The following L3MBTL4 variants were observed in gnomAD, a reference collection of about 807,000 sequenced individuals.
L3MBTL4 encodes L3MBTL histone methyl-lysine binding protein 4, also known as lethal(3)malignant brain tumor-like protein 4.
In L3MBTL4, 70 loss-of-function variants were observed where a neutral mutation model predicts 84.5. The observed-to-expected ratio is 0.83, with a 90% CI of 0.68 to 1.01. L3MBTL4 has a LOEUF of 1.01. Among genes scored for constraint, L3MBTL4 ranks in the 50% least tolerant of loss-of-function variants. L3MBTL4 has a pLI of 0.00. For missense variants in L3MBTL4, 715 were observed against 754.8 expected (o/e 0.95, Z 0.62); for synonymous variants, 274 against 259.8 (o/e 1.05, Z -0.52).
chr18:6,079,283 A>G (rs558132444), intron 16 of L3MBTL4, among the ~76,000 whole-genome samples: 38 of 150,980 alleles, frequency 2.5e-4, no homozygotes, highest in African/African-American at 8.9e-4. Flanking sequence ...CACTTCCCCA[A>G]CACACAGTGG....
Position 6,020,250 on chromosome 18 carries a change from G to T in L3MBTL4, c.1445-50688C>A, listed in dbSNP as rs570214929. ...GATTCAGACTAAAGAGGGAAGAGAC[G>T]TCCAGGCTGAGGTGAGAGGGCTGGC... On this transcript the variant is annotated intron_variant, in intron 16 of 18. Transcript: ENST00000317931. Among the ~76,000 whole-genome samples the T allele has an allele frequency of 2.6e-5, 4 of 152,224 alleles. No homozygotes were observed. The South Asian group carries it at 8.3e-4, about 32-fold the overall frequency.
At chr18:5,977,818 C>T (rs1371906129) in intron 16 of L3MBTL4, among the ~76,000 whole-genome samples, 1 of 152,136 alleles carries the variant, frequency 6.6e-6, no homozygotes, top group East Asian at 1.9e-4. Flanking sequence ...TCCTTGCCAC[C>T]CTCAGGCCTC....
chr18:6,257,651 T>C (rs551361489), intron 5 of L3MBTL4, among the ~76,000 whole-genome samples: 1,758 of 149,524 alleles, frequency 0.012, 26 homozygotes, highest in African/African-American at 0.04. Flanking sequence ...TTTTCTTTTT[T>C]TTTTTTTTTT....
At chr18:6,169,730 A>G (rs1042935207) in intron 13 of L3MBTL4, among the ~76,000 whole-genome samples, 2 of 151,100 alleles carry the variant, frequency 1.3e-5, no homozygotes, top group Admixed American at 1.3e-4. Context: ...CTAATGCTAA[A>G]TGGCGAGTTA....
chr18:6,367,842 G>A (rs1274894093), intron 1 of L3MBTL4, among the ~76,000 whole-genome samples: 2 of 152,178 alleles, frequency 1.3e-5, no homozygotes, highest in Non-Finnish European at 2.9e-5. Context: ...TACAAGATAC[G>A]GATTCGGCAT....
intron 14 of L3MBTL4, among the ~76,000 whole-genome samples, chr18:6,117,515 C>T (rs1363203455): frequency 1.3e-5 from 2 of 152,154 alleles, no homozygotes; most frequent in Non-Finnish European, 2.9e-5. Context: ...CATCAGCATC[C>T]CATCTTTGGT....
chr18:6,227,213 C>T (rs1189060345), intron 10 of L3MBTL4, among the ~76,000 whole-genome samples: 3 of 152,116 alleles, frequency 2.0e-5, no homozygotes, highest in African/African-American at 7.2e-5. Context: ...AATCCTCTCT[C>T]AGTAATCAAT....
rs79850683 is a variant in L3MBTL4, at chr18:6,179,302, A to G, written c.982-7360T>C. Among the ~76,000 whole-genome samples, 587 of 152,330 alleles carry G rather than the reference A, an allele frequency of 3.9e-3. 4 individuals carry two copies. Among genetic ancestry groups the G allele is most frequent in the African/African-American group, 0.014 (570 of 41,588 alleles). On this transcript the variant is annotated intron_variant, in intron 12 of 18. Coordinates refer to ENST00000317931, the MANE Select transcript of L3MBTL4 (RefSeq NM_001330559.2). ...GTTAACTTCTTCAGAAACAGCCTGT[A>G]TTGTGCCTGAACTCTTCTAGCTTTA...
At chr18:6,413,440 CCT>C (rs2056053718) in intron 1 of L3MBTL4, among the ~76,000 whole-genome samples, 1 of 152,200 alleles carries the variant, frequency 6.6e-6, no homozygotes, top group Non-Finnish European at 1.5e-5. Flanking sequence ...AAAAACCTCT[CCT>C]CTTTCAACCG....
intron 1 of L3MBTL4, among the ~76,000 whole-genome samples, chr18:6,329,890 G>A (rs1221960503): frequency 6.6e-6 from 1 of 152,148 alleles, no homozygotes; most frequent in Admixed American, 6.5e-5. Flanking sequence ...AGTTTTGGAG[G>A]GGACAAACAT....
intron 14 of L3MBTL4, among the ~76,000 whole-genome samples, chr18:6,112,990 G>A (rs1336078658): frequency 6.6e-6 from 1 of 152,150 alleles, no homozygotes; most frequent in Non-Finnish European, 1.5e-5. Flanking sequence ...CACATGGTAA[G>A]TGATGAATTT....
intron 12 of L3MBTL4, among the ~76,000 whole-genome samples, chr18:6,210,427 G>A (rs547100441): frequency 6.6e-6 from 1 of 152,344 alleles, no homozygotes; most frequent in South Asian, 2.1e-4. Flanking sequence ...GGAAGAGTAG[G>A]AATGCTATAA....
intron 16 of L3MBTL4, among the ~76,000 whole-genome samples, chr18:6,060,385 A>C (rs1406234422): frequency 1.3e-5 from 2 of 151,318 alleles, no homozygotes; most frequent in African/African-American, 2.4e-5. Flanking sequence ...AAGTACTCGC[A>C]ATCAGCTTTT....
At chr18:6,027,035 T>G (rs1363815973) in intron 16 of L3MBTL4, among the ~76,000 whole-genome samples, 1 of 152,180 alleles carries the variant, frequency 6.6e-6, no homozygotes, top group African/African-American at 2.4e-5. Context: ...TTGTTTGTTT[T>G]TTACTTTAAG....
chr18:6,320,112 C>A (rs1239273654), intron 1 of L3MBTL4, among the ~76,000 whole-genome samples: 1 of 151,788 alleles, frequency 6.6e-6, no homozygotes, highest in African/African-American at 2.4e-5. Flanking sequence ...TGATAAAAAA[C>A]CCTCAACAAA....
chr18:6,344,350 A>G (rs1166948663), intron 1 of L3MBTL4, among the ~76,000 whole-genome samples: 1 of 152,216 alleles, frequency 6.6e-6, no homozygotes, highest in African/African-American at 2.4e-5. Flanking sequence ...GAACATAAAG[A>G]AATAGAGAAT....
chr18:6,128,234 TGAG>T (rs1173658517), intron 14 of L3MBTL4, among the ~76,000 whole-genome samples: 1 of 148,552 alleles, frequency 6.7e-6, no homozygotes, highest in Middle Eastern at 3.5e-3. Flanking sequence ...AAGACAAACT[TGAG>T]GAGATATTTC....
intron 16 of L3MBTL4, among the ~76,000 whole-genome samples, chr18:6,026,545 G>A (rs963716021): frequency 2.0e-5 from 3 of 152,190 alleles, no homozygotes; most frequent in Admixed American, 6.5e-5. Flanking sequence ...ACATATGACT[G>A]TGGGTTTTAA....
intron 14 of L3MBTL4, among the ~76,000 whole-genome samples, chr18:6,115,073 C>T (rs2059315076): frequency 7.4e-6 from 1 of 135,718 alleles, no homozygotes; most frequent in Non-Finnish European, 1.6e-5. Flanking sequence ...TCTTCAGCAG[C>T]CAGAGAAGCA....
Sources: gnomAD v4.1 joint callset for allele counts (sites outside exome capture counted in the v4.1 genomes callset) on GRCh38, gnomAD v4.1.1 for gene constraint, MANE v1.5 for transcripts, NCBI Gene and HGNC (gene_info 2026-07-23, HGNC 2026-07-21) for gene names.